ATP9B: variants seen among roughly 807,000 people sequenced by gnomAD.
ATP9B encodes the protein probable phospholipid-transporting ATPase IIB.
A neutral mutation model predicts 146.1 loss-of-function variants in ATP9B; 110 were observed. The observed-to-expected ratio is 0.75, with a 90% CI of 0.65 to 0.88. The LOEUF (loss-of-function observed/expected upper bound fraction) is 0.88, where lower values mean the gene tolerates loss of function less well. Ranked by LOEUF, ATP9B falls within the 40% of genes least tolerant of loss-of-function variation. The probability of loss-of-function intolerance (pLI) is 0.00; values close to 1 mark genes in which losing one functional copy is unlikely to be tolerated. For synonymous variants in ATP9B, 604 were observed against 569.7 expected (o/e 1.06, Z -0.86); for missense variants, 1,499 against 1,496.4 (o/e 1.00, Z -0.03).
intron 5 of ATP9B, among the ~76,000 whole-genome samples, chr18:79,133,893 C>T (rs1027409692): frequency 6.6e-6 from 1 of 152,242 alleles, no homozygotes; most frequent in African/African-American, 2.4e-5. Flanking sequence ...AGCTCCTGGC[C>T]TGGCTCCAGC....
intron 1 of ATP9B, among the ~76,000 whole-genome samples, chr18:79,071,049 CTTT>C (rs746689031): frequency 2.7e-5 from 3 of 112,384 alleles, no homozygotes; most frequent in Admixed American, 9.0e-5. Context: ...ATTCCTGTTT[CTTT>C]TTTTTTTTTT....
chr18:79,193,288 C>G (rs1334008828), intron 9 of ATP9B, 25 bp downstream of exon 9: 1 of 1,528,302 alleles, frequency 6.5e-7, no homozygotes, highest in Non-Finnish European at 9.0e-7. Context: ...TTGTTCAATA[C>G]AAATAGAGTT....
chr18:79,265,101 C>G (rs1270824465), intron 12 of ATP9B, among the ~76,000 whole-genome samples: 1 of 152,192 alleles, frequency 6.6e-6, no homozygotes, highest in Non-Finnish European at 1.5e-5. Flanking sequence ...GTGCGTTGTT[C>G]TCTTCTGTGT....
At chr18:79,325,356 T>G (rs1379091449) in intron 15 of ATP9B, among the ~76,000 whole-genome samples, 3 of 152,204 alleles carry the variant, frequency 2.0e-5, no homozygotes, top group Admixed American at 6.5e-5. Context: ...GTAGTTACAG[T>G]TTCTCTCTCA....
rs1019691685 is a variant in ATP9B at position 79,115,542 on chromosome 18, A to C, written c.558+2188A>C. On this transcript the variant is annotated intron_variant, in intron 4 of 29. Transcript: ENST00000426216. ...ACTATACTACAAGGCTACAGTAACC[A>C]AAACAGCATGGTACTGGTACCAAAA... The C allele has an allele frequency of 1.9e-4, 25 of 131,466 alleles. 3 individuals are homozygous for C. Among genetic ancestry groups the C allele is most frequent in the African/African-American group, 7.9e-4 (24 of 30,560 alleles). 8.1% of individuals were successfully genotyped at this position (131,466 alleles called of 1,614,324 possible). A position where few individuals can be genotyped will look rare whatever the true frequency, so the allele number is the denominator to read the frequency against.
At chr18:79,361,816 C>A (rs7243979) in intron 26 of ATP9B, 32 of 985,092 alleles carry the variant, frequency 3.2e-5, no homozygotes, top group Non-Finnish European at 3.6e-5. Flanking sequence ...GATGTGCCAA[C>A]GCAGTTTATC....
intron 26 of ATP9B, among the ~76,000 whole-genome samples, chr18:79,364,598 G>C (rs2097015352): frequency 6.6e-6 from 1 of 152,156 alleles, no homozygotes; most frequent in African/African-American, 2.4e-5. Context: ...TATATGTAAA[G>C]CTATAAACCT....
chr18:79,318,730 A>G (rs1002303307), intron 15 of ATP9B, among the ~76,000 whole-genome samples: 1 of 152,246 alleles, frequency 6.6e-6, no homozygotes, highest in African/African-American at 2.4e-5. Flanking sequence ...AAGTTCAGAT[A>G]TGTTTTAAGT....
chr18:79,192,493 T>C (rs934053105), intron 8 of ATP9B, among the ~76,000 whole-genome samples: 3 of 152,178 alleles, frequency 2.0e-5, no homozygotes, highest in East Asian at 1.9e-4. Context: ...GTGGCGTCCA[T>C]TGGAGACCAG....
At chr18:79,122,536 G>T (rs2094207641) in intron 4 of ATP9B, among the ~76,000 whole-genome samples, 1 of 152,148 alleles carries the variant, frequency 6.6e-6, no homozygotes, top group Non-Finnish European at 1.5e-5. Flanking sequence ...ACTGTGCTAT[G>T]AATTTCTTAC....
intron 19 of ATP9B, among the ~76,000 whole-genome samples, chr18:79,341,750 C>T (rs1002701861): frequency 8.9e-5 from 13 of 146,022 alleles, no homozygotes; most frequent in African/African-American, 1.5e-4. Flanking sequence ...ATGTGTGTAG[C>T]GTGACCTGTT....
intron 26 of ATP9B, 130 bp from the exon 27 acceptor site, chr18:79,372,695 G>A: frequency 1.4e-6 from 1 of 733,022 alleles, no homozygotes; most frequent in Non-Finnish European, 2.5e-6. Context: ...GGTAGACCAG[G>A]TGGCTGGGGT....
chr18:79,266,319 C>G (rs889369883), intron 12 of ATP9B, among the ~76,000 whole-genome samples: 2 of 151,992 alleles, frequency 1.3e-5, no homozygotes, highest in African/African-American at 4.8e-5. Flanking sequence ...AAATTATTGA[C>G]TATCAATCTT....
chr18:79,240,468 C>T (rs917140787), intron 11 of ATP9B, among the ~76,000 whole-genome samples: 1 of 152,222 alleles, frequency 6.6e-6, no homozygotes, highest in Non-Finnish European at 1.5e-5. Context: ...AAAGTTCTGG[C>T]CGGACACAGG....
chr18:79,101,393 A>G (rs1421115565), intron 2 of ATP9B, among the ~76,000 whole-genome samples: 3 of 152,092 alleles, frequency 2.0e-5, no homozygotes, highest in South Asian at 2.1e-4. Context: ...AGGTTGGCCT[A>G]TTTCATTCAA....
intron 10 of ATP9B, among the ~76,000 whole-genome samples, chr18:79,209,980 G>A (rs2095569060): frequency 6.6e-6 from 1 of 152,124 alleles, no homozygotes; most frequent in Admixed American, 6.5e-5. Context: ...TCGTATCTCA[G>A]TTGAATTCAA....
chr18:79,125,824 GATTATCT>G, intron 4 of ATP9B, among the ~76,000 whole-genome samples: 1 of 152,154 alleles, frequency 6.6e-6, no homozygotes. Context: ...ATCGATGTGT[GATTATCT>G]GGGAATTGTT....
chr18:79,107,464 T>A (rs1159655027), intron 2 of ATP9B, among the ~76,000 whole-genome samples: 2 of 152,056 alleles, frequency 1.3e-5, no homozygotes, highest in Admixed American at 1.3e-4. Flanking sequence ...GAGGGTGACC[T>A]TTTGAGTGGG....
chr18:79,276,388 A>G (rs2145721074), intron 12 of ATP9B, among the ~76,000 whole-genome samples: 1 of 152,374 alleles, frequency 6.6e-6, no homozygotes, highest in South Asian at 2.1e-4. Context: ...TTTAAAAATG[A>G]CTAAAAAGTC....
Sources: allele counts gnomAD v4.1 joint callset (sites outside exome capture counted in the v4.1 genomes callset), GRCh38; gene constraint gnomAD v4.1.1; transcripts MANE v1.5; gene names NCBI Gene and HGNC (gene_info 2026-07-23, HGNC 2026-07-21).